The following CHCHD6 variants were observed in gnomAD, a reference collection of about 807,000 sequenced individuals.
CHCHD6 encodes MICOS complex subunit MIC25.
A neutral mutation model predicts 32.3 loss-of-function variants in CHCHD6; 28 were observed. That is an observed-to-expected ratio of 0.87 (90% CI 0.64 to 1.19). The LOEUF is 1.19. Ranked by LOEUF, CHCHD6 falls within the 50% of genes most tolerant of loss-of-function variation. The probability of loss-of-function intolerance (pLI) is 0.00; values close to 1 mark genes in which losing one functional copy is unlikely to be tolerated. For missense variants in CHCHD6, 333 were observed against 307.0 expected, an observed-to-expected ratio of 1.08 and a Z score of -0.63; for synonymous variants, 122 against 117.5, an observed-to-expected ratio of 1.04 and a Z score of -0.25.
chr3:126,760,272 C>T (rs765712323), intron 4 of CHCHD6, among the ~76,000 whole-genome samples: 10 of 152,166 alleles, frequency 6.6e-5, no homozygotes, highest in East Asian at 1.9e-4. Context: ...TCCAGCCTTT[C>T]GTCCAACAAT....
At chr3:126,845,141 T>C (rs1392380897) in intron 4 of CHCHD6, among the ~76,000 whole-genome samples, 1 of 152,230 alleles carries the variant, frequency 6.6e-6, no homozygotes, top group African/African-American at 2.4e-5. Flanking sequence ...ATACAAGGGC[T>C]AAGTTGGTTT....
chr3:126,917,517 C>T (rs367726999), intron 6 of CHCHD6, among the ~76,000 whole-genome samples: 2 of 152,192 alleles, frequency 1.3e-5, no homozygotes, highest in African/African-American at 4.8e-5. Flanking sequence ...GCCTCCGTTT[C>T]CTCACCTACA....
At chr3:126,712,643 A>C (rs565913148) in intron 1 of CHCHD6, among the ~76,000 whole-genome samples, 1 of 152,152 alleles carries the variant, frequency 6.6e-6, no homozygotes, top group Non-Finnish European at 1.5e-5. Context: ...ACTAGTGTCC[A>C]GCATCAACCA....
At chr3:126,864,629 T>A (rs1216516872) in intron 5 of CHCHD6, among the ~76,000 whole-genome samples, 14 of 135,042 alleles carry the variant, frequency 1.0e-4, no homozygotes, top group African/African-American at 2.9e-4. Flanking sequence ...CTCCTTCTCC[T>A]CCACCACCAT....
rs182024414 is a variant in CHCHD6 at position 126,766,985 on chromosome 3, A to G, written c.411+33763A>G. 1.4e-3 allele frequency: 1,204 copies of G among 890,800 alleles called. 3 individuals carry two copies. Among genetic ancestry groups the G allele is most frequent in the Non-Finnish European group, 1.9e-3 (1,017 of 537,852 alleles). 55.2% of individuals were successfully genotyped at this position (890,800 alleles called of 1,614,324 possible). On this transcript the variant is annotated intron_variant, in intron 4 of 7. Coordinates refer to ENST00000290913, the MANE Select transcript of CHCHD6 (RefSeq NM_032343.3). Reference sequence around the variant, plus strand: ...AGGACCAGTGTGTGGTTAGCGCCACAGGCTACGTCTCACACAGCTACATTT... The same window carrying G: ...AGGACCAGTGTGTGGTTAGCGCCACGGGCTACGTCTCACACAGCTACATTT...
intron 6 of CHCHD6, among the ~76,000 whole-genome samples, chr3:126,954,640 C>T (rs1004975549): frequency 2.6e-5 from 4 of 152,224 alleles, no homozygotes; most frequent in Non-Finnish European, 4.4e-5. Flanking sequence ...ACACAGGTCC[C>T]CTCAGTGCCT....
chr3:126,780,431 G>T (rs945565971), intron 4 of CHCHD6: 1 of 361,726 alleles, frequency 2.8e-6, no homozygotes, highest in Non-Finnish European at 5.4e-6. Flanking sequence ...CCTGCCTTGG[G>T]TAAGAGTTGT....
Position 126,840,897 on chromosome 3 carries a change from TA to T in CHCHD6, c.412-11749del, listed in dbSNP as rs200999767. Among the ~76,000 whole-genome samples, 1,346 of 151,244 alleles carry T rather than the reference TA, an allele frequency of 8.9e-3. 10 individuals are homozygous for T. The highest frequency in any genetic ancestry group is 0.024 in the South Asian group (115 of 4,820). On this transcript the variant is annotated intron_variant, in intron 4 of 7. Transcript: ENST00000290913. The stretch of plus-strand genomic sequence containing the variant: ...TTTATTTATTTATTTATTTTTAATT[TA>T]TTTTTTTTATTATACTTTAAGTTTT...
At chr3:126,914,807 CA>C in intron 6 of CHCHD6, 57 bp downstream of exon 6, 2 of 1,020,244 alleles carry the variant, frequency 2.0e-6, no homozygotes, top group Non-Finnish European at 3.1e-6. Flanking sequence ...AAAATTCCCA[CA>C]TGTGGCTTGA....
chr3:126,712,289 A>G (rs1349687844), intron 1 of CHCHD6, among the ~76,000 whole-genome samples: 6 of 152,224 alleles, frequency 3.9e-5, no homozygotes. Context: ...TTATCATAAT[A>G]TAGTACAGCG....
At chr3:126,900,300 G>A (rs1245701001) in intron 5 of CHCHD6, among the ~76,000 whole-genome samples, 2 of 152,114 alleles carry the variant, frequency 1.3e-5, no homozygotes, top group Non-Finnish European at 2.9e-5. Context: ...TGTCAAAGGG[G>A]GTGACACCTA....
chr3:126,729,101 T>C (rs1935667511), intron 2 of CHCHD6, among the ~76,000 whole-genome samples: 1 of 152,168 alleles, frequency 6.6e-6, no homozygotes, highest in Non-Finnish European at 1.5e-5. Flanking sequence ...AGATAGATTT[T>C]CTACACGTCA....
intron 5 of CHCHD6, among the ~76,000 whole-genome samples, chr3:126,907,943 G>T (rs1420294495): frequency 6.6e-6 from 1 of 152,186 alleles, no homozygotes. Context: ...CCTGTCCTCG[G>T]ATCCTGTTGT....
At position 126,864,395 on chromosome 3, in the gene CHCHD6, A is replaced by ACCT. The variant is rs761302657; in HGVS notation, c.495+11682_495+11684dup. ...CCTCCACCATCACTACTACACCACCACCTCCTCCTCCTCCTCCTCTTCCTG... is the reference window on the plus strand; with the variant it reads ...CCTCCACCATCACTACTACACCACCACCTCCTCCTCCTCCTCCTCCTCTTCCTG... On this transcript the variant is annotated intron_variant, in intron 5 of 7. Transcript: ENST00000290913. Among the ~76,000 whole-genome samples, 13 of 101,658 alleles carry ACCT rather than the reference A, an allele frequency of 1.3e-4. 1 individual carries two copies. The highest frequency in any genetic ancestry group is 1.0e-3 in the South Asian group (3 of 2,976). 66.7% of individuals were successfully genotyped at this position (101,658 alleles called of 152,430 possible). A position where few individuals can be genotyped will look rare whatever the true frequency, so the allele number is the denominator to read the frequency against.
intron 1 of CHCHD6, among the ~76,000 whole-genome samples, chr3:126,711,738 A>G (rs778114374): frequency 1.1e-4 from 16 of 152,240 alleles, no homozygotes; most frequent in Admixed American, 2.0e-4. Flanking sequence ...CCACAGCTGT[A>G]AAGCTCACCT....
intron 4 of CHCHD6, among the ~76,000 whole-genome samples, chr3:126,784,374 C>CT (rs1318394148): frequency 6.6e-6 from 1 of 152,166 alleles, no homozygotes; most frequent in Non-Finnish European, 1.5e-5. Context: ...TTCCTGTTTC[C>CT]TTTGTCTTCC....
intron 1 of CHCHD6, among the ~76,000 whole-genome samples, chr3:126,720,594 T>C (rs1389182788): frequency 1.3e-5 from 2 of 152,238 alleles, no homozygotes; most frequent in Non-Finnish European, 2.9e-5. Context: ...ACATGTTTCC[T>C]GAAAATTTAA....
At chr3:126,959,788 T>C (rs10934796) in intron 7 of CHCHD6, among the ~76,000 whole-genome samples, 90,500 of 152,208 alleles carry the variant, frequency 0.59, 29,332 homozygotes, top group Non-Finnish European at 0.73. Flanking sequence ...AGCAGGCTCC[T>C]GCTGAGCTGT....
At chr3:126,956,505 G>T (rs564127019) in intron 6 of CHCHD6, among the ~76,000 whole-genome samples, 2 of 152,224 alleles carry the variant, frequency 1.3e-5, no homozygotes, top group Non-Finnish European at 1.5e-5. Flanking sequence ...TACCAGAGCT[G>T]TAAGGAGCAG....
Sources: allele counts gnomAD v4.1 joint callset (sites outside exome capture counted in the v4.1 genomes callset), GRCh38; gene constraint gnomAD v4.1.1; transcripts MANE v1.5; gene names NCBI Gene and HGNC (gene_info 2026-07-23, HGNC 2026-07-21).